SLX4IP: variants seen among roughly 807,000 people sequenced by gnomAD.
SLX4IP encodes protein SLX4IP.
SLX4IP carries 34 observed loss-of-function variants against 32.9 expected under a neutral mutation model. That is an observed-to-expected ratio of 1.03 (90% CI 0.79 to 1.38). The LOEUF (loss-of-function observed/expected upper bound fraction) is 1.38. Ranked by LOEUF, SLX4IP falls within the 40% of genes most tolerant of loss-of-function variation. SLX4IP has a pLI of 0.00. For missense variants in SLX4IP, 444 were observed against 479.0 expected, an observed-to-expected ratio of 0.93 and a Z score of 0.68; for synonymous variants, 172 against 171.7, an observed-to-expected ratio of 1.00 and a Z score of -0.01.
intron 2 of SLX4IP, among the ~76,000 whole-genome samples, chr20:10,511,802 G>C (rs1286206210): frequency 1.3e-5 from 2 of 152,102 alleles, no homozygotes; most frequent in African/African-American, 4.8e-5. Flanking sequence ...AGACCACAGT[G>C]GTTTTCTTCT....
chr20:10,458,435 C>G (rs2065306548), intron 2 of SLX4IP, among the ~76,000 whole-genome samples: 1 of 151,972 alleles, frequency 6.6e-6, no homozygotes, highest in Non-Finnish European at 1.5e-5. Context: ...ACATGTGCCA[C>G]AGTGGTTTGT....
chr20:10,594,076 G>C (rs1302169297), intron 4 of SLX4IP, among the ~76,000 whole-genome samples: 1 of 152,184 alleles, frequency 6.6e-6, no homozygotes, highest in Non-Finnish European at 1.5e-5. Flanking sequence ...AAGGTTTCAT[G>C]ATGTCCACTT....
chr20:10,480,471 G>A (rs661554), intron 2 of SLX4IP, among the ~76,000 whole-genome samples: 98,009 of 151,848 alleles, frequency 0.65, 31,820 homozygotes, highest in South Asian at 0.78. Context: ...TTCCGGATGT[G>A]TACTGTAGAT....
chr20:10,470,050 G>A (rs2065412018), intron 2 of SLX4IP, among the ~76,000 whole-genome samples: 1 of 152,184 alleles, frequency 6.6e-6, no homozygotes, highest in East Asian at 1.9e-4. Context: ...TCAGGAACCT[G>A]GAGATGATGG....
At chr20:10,526,663 G>A (rs545823279) in intron 2 of SLX4IP, among the ~76,000 whole-genome samples, 1 of 152,226 alleles carries the variant, frequency 6.6e-6, no homozygotes, top group South Asian at 2.1e-4. Context: ...AAGAGACAGG[G>A]TCTCAGGCTG....
chr20:10,596,417 C>G (rs556680822), intron 4 of SLX4IP, among the ~76,000 whole-genome samples: 2 of 151,804 alleles, frequency 1.3e-5, no homozygotes, highest in African/African-American at 4.8e-5. Context: ...TTTAAGGAGA[C>G]GGGGTCTCAG....
At chr20:10,542,777 C>T (rs889013626) in intron 2 of SLX4IP, among the ~76,000 whole-genome samples, 8 of 152,320 alleles carry the variant, frequency 5.3e-5, no homozygotes, top group Non-Finnish European at 1.2e-4. Flanking sequence ...TAGTTTAATT[C>T]TCTCTAGTTA....
At chr20:10,567,852 C>G (rs2122510351) in intron 4 of SLX4IP, among the ~76,000 whole-genome samples, 1 of 152,302 alleles carries the variant, frequency 6.6e-6, no homozygotes, top group East Asian at 1.9e-4. Flanking sequence ...CTTTTCCACC[C>G]TGAGTGAGGT....
intron 1 of SLX4IP, among the ~76,000 whole-genome samples, chr20:10,453,295 C>G (rs368545839): frequency 5.6e-4 from 81 of 145,278 alleles, no homozygotes; most frequent in African/African-American, 2.0e-3. Context: ...CACGAGTTGT[C>G]TAAAACTCAT....
At chr20:10,441,124 G>A (rs1361362786) in intron 1 of SLX4IP, among the ~76,000 whole-genome samples, 1 of 152,050 alleles carries the variant, frequency 6.6e-6, no homozygotes, top group Non-Finnish European at 1.5e-5. Flanking sequence ...GTCTGTTTCT[G>A]ACTAGGTATT....
intron 2 of SLX4IP, among the ~76,000 whole-genome samples, chr20:10,537,921 C>T (rs1024921511): frequency 6.6e-6 from 1 of 152,158 alleles, no homozygotes; most frequent in Admixed American, 6.5e-5. Context: ...GCCTCCATCC[C>T]TTCTTTCATT....
intron 1 of SLX4IP, 127 bp downstream of exon 1, chr20:10,435,580 T>G (rs559744398): frequency 1.3e-5 from 2 of 152,348 alleles, no homozygotes; most frequent in East Asian, 3.9e-4. Context: ...TCCCTGTACT[T>G]CCACCTTTCT....
chr20:10,616,933 A>G (rs563144193), intron 6 of SLX4IP, among the ~76,000 whole-genome samples: 60 of 152,302 alleles, frequency 3.9e-4, no homozygotes, highest in Middle Eastern at 3.4e-3. Context: ...ACAGAGGTCA[A>G]TATTGCCTGA....
At chr20:10,465,510 T>A (rs542683253) in intron 2 of SLX4IP, among the ~76,000 whole-genome samples, 4 of 152,192 alleles carry the variant, frequency 2.6e-5, no homozygotes, top group African/African-American at 7.2e-5. Flanking sequence ...TATTTATCTA[T>A]TTTTTTGAGA....
At chr20:10,527,780 TTG>T (rs1319549277) in intron 2 of SLX4IP, among the ~76,000 whole-genome samples, 3 of 152,224 alleles carry the variant, frequency 2.0e-5, no homozygotes, top group African/African-American at 4.8e-5. Context: ...TTTGGATAAA[TTG>T]TGATTGCTAA....
intron 6 of SLX4IP, among the ~76,000 whole-genome samples, chr20:10,603,944 G>A (rs2122552398): frequency 6.6e-6 from 1 of 152,286 alleles, no homozygotes; most frequent in East Asian, 1.9e-4. Flanking sequence ...TACAGAGTCT[G>A]CCTGTCTCAG....
intron 2 of SLX4IP, among the ~76,000 whole-genome samples, chr20:10,515,154 G>A (rs1205614556): frequency 7.7e-6 from 1 of 130,076 alleles, no homozygotes; most frequent in Non-Finnish European, 1.5e-5. Context: ...GTGCAATCTC[G>A]ACTCACTGCA....
At chr20:10,583,880 G>T (rs982622912) in intron 4 of SLX4IP, among the ~76,000 whole-genome samples, 4 of 152,132 alleles carry the variant, frequency 2.6e-5, no homozygotes, top group Admixed American at 2.6e-4. Context: ...CTGAAACTTT[G>T]CTTAATTCAG....
chr20:10,447,558 A>C (rs959466361), intron 1 of SLX4IP, among the ~76,000 whole-genome samples: 1 of 152,022 alleles, frequency 6.6e-6, no homozygotes, highest in Non-Finnish European at 1.5e-5. Context: ...AGTTGTTTCT[A>C]CTGGTTCATC....
Sources: allele counts gnomAD v4.1 joint callset (sites outside exome capture counted in the v4.1 genomes callset), GRCh38; gene constraint gnomAD v4.1.1; transcripts MANE v1.5; gene names NCBI Gene and HGNC (gene_info 2026-07-23, HGNC 2026-07-21).